Variants in POGLUT1 observed in about 807,000 individuals in gnomAD.
POGLUT1 encodes the protein protein O-glucosyltransferase 1.
In POGLUT1, 32 loss-of-function variants were observed where a neutral mutation model predicts 61.3. That is an observed-to-expected ratio of 0.52 (90% confidence interval 0.39 to 0.70). POGLUT1 has a LOEUF of 0.70. POGLUT1 is among the 30% of genes least tolerant of loss of function. The pLI is 0.00. For synonymous variants in POGLUT1, 158 were observed against 158.2 expected (o/e 1.00, Z 0.01); for missense variants, 411 against 469.8 (o/e 0.87, Z 1.16).
At chr3:119,470,838 A>T (rs2081461382) in intron 2 of POGLUT1, among the ~76,000 whole-genome samples, 1 of 152,238 alleles carries the variant, frequency 6.6e-6, no homozygotes, top group African/African-American at 2.4e-5. Context: ...CTTTAAAAGG[A>T]ATACAAAATA....
intron 10 of POGLUT1, 87 bp from the exon 11 acceptor site, chr3:119,492,195 C>T: frequency 1.1e-6 from 1 of 941,574 alleles, no homozygotes; most frequent in Non-Finnish European, 1.6e-6. Flanking sequence ...CTGAATAATG[C>T]TTGGCACAAG....
At chr3:119,485,440 G>T in intron 6 of POGLUT1, 53 bp downstream of exon 6, 1 of 1,238,078 alleles carries the variant, frequency 8.1e-7, no homozygotes, top group Non-Finnish European at 1.2e-6. Context: ...AATGTAAAAT[G>T]TAAGTAACTT....
At chr3:119,470,328 C>A (rs1258037230) in intron 2 of POGLUT1, among the ~76,000 whole-genome samples, 2 of 152,172 alleles carry the variant, frequency 1.3e-5, no homozygotes, top group Non-Finnish European at 2.9e-5. Context: ...GTAATCCCAG[C>A]ACTTTGAGAG....
At chr3:119,487,773 C>T (rs116524207) in intron 7 of POGLUT1, among the ~76,000 whole-genome samples, 7,154 of 151,910 alleles carry the variant, frequency 0.047, 230 homozygotes, top group Non-Finnish European at 0.067. Flanking sequence ...GCCTGTGGGT[C>T]GTAGTTTGCC....
rs535908996 is a variant in POGLUT1, at chr3:119,493,111, C to T, written c.*673C>T. 10 of 149,346 alleles carry T rather than the reference C, an allele frequency of 6.7e-5. No homozygotes were observed. In the South Asian group the frequency reaches 2.1e-3, roughly 32 times the overall value. The allele number at this position is 149,346 out of a possible 1,614,324, so 9.3% of individuals were successfully genotyped here. A position where few individuals can be genotyped will look rare whatever the true frequency, so the allele number is the denominator to read the frequency against. ...TTGGATTTCAGGTTCCCTTTTTGTG[C>T]CTTCATGCCCTACTTCTTAATGCCT... On this transcript the variant is annotated 3_prime_UTR_variant, in exon 11 of 11. Transcript: ENST00000295588.
intron 5 of POGLUT1, among the ~76,000 whole-genome samples, 155 bp from the exon 6 acceptor site, chr3:119,485,173 C>T (rs895716389): frequency 6.6e-6 from 1 of 151,264 alleles, no homozygotes; most frequent in African/African-American, 2.4e-5. Context: ...GCCAAGATCG[C>T]GCCACTGCAC....
chr3:119,471,362 T>C lies in POGLUT1; in HGVS notation c.230T>C (p.Met77Thr), dbSNP rs1193407518. ...PFRGGISRKM[M>T]AEVVRRKLGT... ...CGAGGAGGCATCTCCAGGAAGATGATGGCAGAGGTAGTCAGACGGAAGCTA... is the reference window on the plus strand; with the variant it reads ...CGAGGAGGCATCTCCAGGAAGATGACGGCAGAGGTAGTCAGACGGAAGCTA... The change falls in exon 3 of 11, where the codon ATG becomes ACG. Residue 77 changes from methionine (M) to threonine (T), a missense_variant. Physicochemically the swap from Met to Thr is moderately conservative, Grantham distance 81. Transcript: ENST00000295588. The C allele has an allele frequency of 6.2e-7, 1 of 1,613,948 alleles. No homozygotes were observed. The highest frequency in any genetic ancestry group is 8.5e-7 in the Non-Finnish European group (1 of 1,179,798).
Position 119,471,226 on chromosome 3 carries a change from G to A in POGLUT1, c.177-83G>A, listed in dbSNP as rs187797402. ...TTCCACTTACTGTGTTCTCTAATACGAAACCTAAATGCACTTAGGAAGTAG... is the reference window on the plus strand; with the variant it reads ...TTCCACTTACTGTGTTCTCTAATACAAAACCTAAATGCACTTAGGAAGTAG... On this transcript the variant is annotated intron_variant, in intron 2 of 10. Coordinates refer to ENST00000295588, the MANE Select transcript of POGLUT1 (RefSeq NM_152305.3). The A allele has an allele frequency of 2.0e-5, 26 of 1,277,468 alleles. No individual in the cohort carries two copies. The Admixed American group carries it at 4.0e-4, about 20-fold the overall frequency. 79.1% of individuals were successfully genotyped at this position (1,277,468 alleles called of 1,614,324 possible).
chr3:119,477,574 G>A (rs2081553989), intron 4 of POGLUT1, 126 bp downstream of exon 4: 5 of 854,902 alleles, frequency 5.8e-6, no homozygotes, highest in East Asian at 5.0e-5. Context: ...CCAGAAATGG[G>A]TCTGTGTCTC....
chr3:119,471,521 G>A (rs911361141), intron 3 of POGLUT1, 69 bp downstream of exon 3: 5 of 1,399,242 alleles, frequency 3.6e-6, no homozygotes, highest in Non-Finnish European at 5.1e-6. Context: ...TTTTATAGAG[G>A]AGCCAATTCA....
chr3:119,485,246 A>C, intron 5 of POGLUT1, 82 bp from the exon 6 acceptor site: 2 of 892,192 alleles, frequency 2.2e-6, no homozygotes, highest in Non-Finnish European at 3.6e-6. Flanking sequence ...GAAGCTCTGA[A>C]CTAATCTTCA....
chr3:119,482,476 G>T (rs1161750892), intron 5 of POGLUT1, among the ~76,000 whole-genome samples: 6 of 152,162 alleles, frequency 3.9e-5, no homozygotes, highest in Non-Finnish European at 7.3e-5. Flanking sequence ...GTGTTATCCA[G>T]TTACTCCACC....
chr3:119,490,842 CT>C (rs111468598), intron 9 of POGLUT1, 124 bp downstream of exon 9: 249 of 787,170 alleles, frequency 3.2e-4, no homozygotes, highest in African/African-American at 1.9e-3. Context: ...CCATTGAAAG[CT>C]TTTTTTCCTC....
At position 119,486,946 on chromosome 3, in the gene POGLUT1, AT is replaced by A. The variant is rs775104643; in HGVS notation, c.738+15del. The A allele has an allele frequency of 6.7e-7, 1 of 1,492,316 alleles. No individual in the cohort carries two copies. Among genetic ancestry groups the A allele is most frequent in the African/African-American group, 1.4e-5 (1 of 72,672 alleles). 92.4% of individuals were successfully genotyped at this position (1,492,316 alleles called of 1,614,324 possible). A position where few individuals can be genotyped will look rare whatever the true frequency, so the allele number is the denominator to read the frequency against. ...AAATCTATGAAAGTAATCACCAGTC[AT>A]CTGACTAGAACTACAGCAGTGAACA... On this transcript the variant is annotated intron_variant, in intron 7 of 10. Coordinates refer to ENST00000295588, the MANE Select transcript of POGLUT1 (RefSeq NM_152305.3).
intron 10 of POGLUT1, among the ~76,000 whole-genome samples, chr3:119,492,050 G>A (rs539519436): frequency 1.0e-4 from 12 of 118,504 alleles, no homozygotes; most frequent in South Asian, 6.1e-4. Flanking sequence ...GCGAAACTCC[G>A]TCTCAAAAAA....
Position 119,493,591 on chromosome 3 carries a change from CCTTT to C in POGLUT1, c.*1154_*1157del, listed in dbSNP as rs1296897637. On this transcript the variant is annotated 3_prime_UTR_variant, in exon 11 of 11. Coordinates refer to ENST00000295588, the MANE Select transcript of POGLUT1 (RefSeq NM_152305.3). ...TTTCCACAGAGAAATCACCTCTCTT[CCTTT>C]GTCTTTTAAGAACTATTTGGTATTA... 1 of 152,150 alleles carries C rather than the reference CCTTT, an allele frequency of 6.6e-6. No homozygotes were observed. The highest frequency in any genetic ancestry group is 2.4e-5 in the African/African-American group (1 of 41,436). The allele number at this position is 152,150 out of a possible 1,614,324, so 9.4% of individuals were successfully genotyped here. A position where few individuals can be genotyped will look rare whatever the true frequency, so the allele number is the denominator to read the frequency against.
chr3:119,469,429 A>T (rs1050493868), intron 1 of POGLUT1, among the ~76,000 whole-genome samples: 18 of 152,208 alleles, frequency 1.2e-4, no homozygotes, highest in African/African-American at 4.1e-4. Context: ...GATGGGGGCA[A>T]ATGTCGTGCG....
chr3:119,480,335 G>T (rs780584531), intron 5 of POGLUT1, among the ~76,000 whole-genome samples, 163 bp downstream of exon 5: 1 of 150,906 alleles, frequency 6.6e-6, no homozygotes, highest in Non-Finnish European at 1.5e-5. Context: ...CGCAACCTCC[G>T]CCTCCCAGGT....
At chr3:119,486,773 G>A in intron 6 of POGLUT1, 60 bp from the exon 7 acceptor site, 1 of 1,135,030 alleles carries the variant, frequency 8.8e-7, no homozygotes. Context: ...ACCTTTCAGG[G>A]ATTGGGAACA....
Sources: gnomAD v4.1 joint callset for allele counts (sites outside exome capture counted in the v4.1 genomes callset) on GRCh38, gnomAD v4.1.1 for gene constraint, MANE v1.5 for transcripts, NCBI Gene and HGNC (gene_info 2026-07-23, HGNC 2026-07-21) for gene names.